Variants in DNAH7 observed in about 807,000 individuals in gnomAD.
DNAH7 encodes axonemal beta dynein heavy chain 7.
Under a neutral mutation model 444.6 loss-of-function variants are expected in DNAH7, and 397 were observed. The ratio of observed to expected loss-of-function variants is 0.89; its 90% CI spans 0.82 to 0.97. The LOEUF (loss-of-function observed/expected upper bound fraction) is 0.97, where lower values mean the gene tolerates loss of function less well. DNAH7 is among the 50% of genes least tolerant of loss of function. DNAH7 has a pLI of 0.00. For synonymous variants in DNAH7, 1,636 were observed against 1,624.4 expected, an observed-to-expected ratio of 1.01 and a Z score of -0.17; for missense variants, 4,902 against 4,800.8, an observed-to-expected ratio of 1.02 and a Z score of -0.62.
rs1234401463 is a variant in DNAH7, at chr2:195,776,679, C to A, written c.11065-696G>T. Among the ~76,000 whole-genome samples, 4 of 152,142 alleles carry A rather than the reference C, an allele frequency of 2.6e-5. No individual in the cohort carries two copies. The East Asian group carries it at 7.7e-4, about 29-fold the overall frequency. On this transcript the variant is annotated intron_variant, in intron 59 of 64. Coordinates refer to ENST00000312428, the MANE Select transcript of DNAH7 (RefSeq NM_018897.3). The stretch of plus-strand genomic sequence containing the variant: ...CTGTTTACTCTTACTGTAAAAAATT[C>A]ACCCAATTCAAAAAAGTAAAAATTA...
intron 63 of DNAH7, among the ~76,000 whole-genome samples, chr2:195,745,786 C>A (rs185368665): frequency 0.027 from 4,161 of 152,156 alleles, 136 homozygotes; most frequent in East Asian, 0.17. Flanking sequence ...AATACTTTAC[C>A]GACAAGCAAA....
intron 5 of DNAH7, among the ~76,000 whole-genome samples, chr2:196,039,583 A>G (rs1269909679): frequency 6.6e-6 from 1 of 152,132 alleles, no homozygotes; most frequent in Non-Finnish European, 1.5e-5. Context: ...GGATCACTTG[A>G]GGCCAGGAGT....
Position 195,888,178 on chromosome 2 carries a change from AAC to A in DNAH7, c.5406+78_5406+79del, listed in dbSNP as rs1285479091. 1.6e-4 allele frequency: 185 copies of A among 1,186,860 alleles called. No homozygotes were observed. In the Middle Eastern group the frequency reaches 1.7e-3, roughly 11 times the overall value. 73.5% of individuals were successfully genotyped at this position (1,186,860 alleles called of 1,614,324 possible). ...TTAATATCTCTTAGCTGATAATAAAAACAGACATTAAAATTGATATGTAAGTC... is the reference window on the plus strand; with the variant it reads ...TTAATATCTCTTAGCTGATAATAAAAAGACATTAAAATTGATATGTAAGTC... On this transcript the variant is annotated intron_variant, in intron 33 of 64. Transcript: ENST00000312428.
chr2:195,964,691 C>G (rs1691350040), intron 17 of DNAH7, among the ~76,000 whole-genome samples: 1 of 140,870 alleles, frequency 7.1e-6, no homozygotes, highest in Non-Finnish European at 1.5e-5. Context: ...ATGGTAACAC[C>G]CCATCTCTAC....
Position 195,923,764 on chromosome 2 carries a change from T to C in DNAH7, c.3656A>G (p.Asp1219Gly), listed in dbSNP as rs199554102. Residue 1219 changes from aspartate to glycine, a missense_variant, in exon 23 of 65, where the codon GAT (aspartate) becomes GGT (glycine). By Grantham distance (94) the Asp-to-Gly change is moderately conservative. Transcript: ENST00000312428. ...TTTGCCACGCACCAAAGTGACAATA[T>C]CATCAATTTGTCTGTTACATGTTTT... ...YLKTCNRQID[D>G]IVTLVRGKLS... 480 of 1,614,014 alleles carry C rather than the reference T, an allele frequency of 3.0e-4. 2 individuals carry two copies. The highest frequency in any genetic ancestry group is 3.7e-4 in the Non-Finnish European group (434 of 1,180,028).
intron 58 of DNAH7, among the ~76,000 whole-genome samples, chr2:195,781,976 T>TACACAC (rs59244207): frequency 0.15 from 18,823 of 129,620 alleles, 1,564 homozygotes; most frequent in African/African-American, 0.21. Flanking sequence ...GTGGGTCTTA[T>TACACAC]ACACACACAC....
rs1390162802 is a variant in DNAH7 at position 195,972,435 on chromosome 2, A to G, written c.1865T>C (p.Met622Thr). 3.7e-6 allele frequency: 6 copies of G among 1,613,984 alleles called. No individual in the cohort carries two copies. The highest frequency in any genetic ancestry group is 2.2e-5 in the East Asian group (1 of 44,884). The change falls in exon 16 of 65, where the codon ATG becomes ACG. Residue 622 changes from methionine (M) to threonine (T), a missense_variant. By Grantham distance (81) the Met-to-Thr change is moderately conservative. Transcript: ENST00000312428. ...AYIQKVEVTD[M>T]IELEQRLVDS... is the part of the protein sequence containing the mutation. ...CACTAATCTCTGTTCTAGTTCAATC[A>G]TATCAGTTACCTCCACTTTCTGAAT...
chr2:195,799,752 A>C (rs1696359262), intron 54 of DNAH7, among the ~76,000 whole-genome samples: 1 of 152,094 alleles, frequency 6.6e-6, no homozygotes, highest in Middle Eastern at 3.2e-3. Context: ...TAGTGGCTGA[A>C]GAAGGAACCT....
In DNAH7 at chr2:195,816,877, A is replaced by C. The variant is rs1013465578; in HGVS notation, c.9512T>G (p.Ile3171Arg). ...NILEDETAIKILSSSKALANE... is the reference protein window; with the variant it reads ...NILEDETAIKRLSSSKALANE... ...AGCCAAGGCCTTGGAGGAAGATAAT[A>C]TCTTAATAGCAGTTTCATCTTCTAA... is the stretch of plus-strand genomic sequence containing the variant. The change falls in exon 51 of 65, where the codon ATA (isoleucine) becomes AGA (arginine). Residue 3171 changes from isoleucine (I) to arginine (R), a missense_variant. Transcript: ENST00000312428. 1.2e-6 allele frequency: 2 copies of C among 1,614,030 alleles called. No homozygotes were observed. The highest frequency in any genetic ancestry group is 3.3e-5 in the Admixed American group (2 of 60,002).
At chr2:195,977,002 C>G (rs1167965102) in intron 15 of DNAH7, among the ~76,000 whole-genome samples, 1 of 152,104 alleles carries the variant, frequency 6.6e-6, no homozygotes, top group East Asian at 1.9e-4. Context: ...CCTTCAAATA[C>G]CTGGAAAGTC....
intron 61 of DNAH7, among the ~76,000 whole-genome samples, chr2:195,765,202 C>G (rs932376610): frequency 6.6e-6 from 1 of 151,954 alleles, no homozygotes; most frequent in African/African-American, 2.4e-5. Flanking sequence ...GAAACCAGAC[C>G]CCCATCTTGC....
chr2:195,912,295 GCACA>G (rs1186026543), intron 24 of DNAH7, among the ~76,000 whole-genome samples: 4 of 152,120 alleles, frequency 2.6e-5, no homozygotes, highest in African/African-American at 9.7e-5. Flanking sequence ...ATTTTCTAGA[GCACA>G]GAAACTGAGT....
chr2:195,854,321 T>G (rs899034448), intron 45 of DNAH7, among the ~76,000 whole-genome samples: 2 of 152,160 alleles, frequency 1.3e-5, no homozygotes, highest in African/African-American at 4.8e-5. Flanking sequence ...AAAAGATAAA[T>G]TCAACAATCA....
rs1228548239 is a variant in DNAH7, at chr2:195,778,618, GA to G, written c.10879-634del. 1.8e-3 allele frequency among the ~76,000 whole-genome samples: 39 copies of G among 21,768 alleles called. 2 individuals are homozygous for G. The highest frequency in any genetic ancestry group is 7.1e-3 in the African/African-American group (35 of 4,958). 14.3% of individuals were successfully genotyped at this position (21,768 alleles called of 152,430 possible). On this transcript the variant is annotated intron_variant, in intron 58 of 64. Transcript: ENST00000312428. ...TGGGTGACAGAGCAAGACCCTGTCT[GA>G]AAAAAAAAAAAAATAAATAAATAAA...
intron 25 of DNAH7, among the ~76,000 whole-genome samples, chr2:195,907,630 A>T (rs1687108866): frequency 6.6e-6 from 1 of 152,212 alleles, no homozygotes; most frequent in African/African-American, 2.4e-5. Flanking sequence ...AAGCACACAC[A>T]TGCATATGTT....
chr2:195,812,513 TAA>T (rs1697016623), intron 51 of DNAH7, among the ~76,000 whole-genome samples: 2 of 152,212 alleles, frequency 1.3e-5, no homozygotes, highest in South Asian at 4.1e-4. Context: ...GCTTGCTACA[TAA>T]AGTTATTTAT....
chr2:195,861,192 AT>A (rs1699994128), intron 42 of DNAH7, among the ~76,000 whole-genome samples: 1 of 152,130 alleles, frequency 6.6e-6, no homozygotes, highest in South Asian at 2.1e-4. Flanking sequence ...TACATACTGA[AT>A]TTTAATTTTT....
At chr2:195,886,024 C>T in intron 34 of DNAH7, 117 bp downstream of exon 34, 1 of 1,208,592 alleles carries the variant, frequency 8.3e-7, no homozygotes, top group South Asian at 1.7e-5. Flanking sequence ...TCAGCTACCA[C>T]CCGTTGACTA....
Position 195,933,173 on chromosome 2 carries a change from G to C in DNAH7, c.3471+1418C>G, listed in dbSNP as rs557368986. On this transcript the variant is annotated intron_variant, in intron 21 of 64. Transcript: ENST00000312428. ...AAATGCTCATCATCACTGGCCATCAGAGAAATGCAAATCAAAACCACAATG... is the reference window on the plus strand; with the variant it reads ...AAATGCTCATCATCACTGGCCATCACAGAAATGCAAATCAAAACCACAATG... Among the ~76,000 whole-genome samples, 140 of 152,306 alleles carry C rather than the reference G, an allele frequency of 9.2e-4. 2 individuals are homozygous for C. Among genetic ancestry groups the C allele is most frequent in the African/African-American group, 3.3e-3 (137 of 41,566 alleles).
Sources: allele counts gnomAD v4.1 joint callset (sites outside exome capture counted in the v4.1 genomes callset), GRCh38; gene constraint gnomAD v4.1.1; transcripts MANE v1.5; gene names NCBI Gene and HGNC (gene_info 2026-07-23, HGNC 2026-07-21).